Variants in GMDS observed in about 807,000 individuals in gnomAD.
GMDS encodes GDP-mannose 4,6-dehydratase.
GMDS carries 20 observed loss-of-function variants against 49.9 expected under a neutral mutation model. The ratio of observed to expected loss-of-function variants is 0.40; its 90% CI spans 0.28 to 0.58. GMDS has a LOEUF of 0.58. Ranked by LOEUF, GMDS falls within the 20% of genes least tolerant of loss-of-function variation. The pLI is 0.42. For synonymous variants in GMDS, 177 were observed against 178.6 expected (o/e 0.99, Z 0.07); for missense variants, 362 against 481.4 (o/e 0.75, Z 2.32).
At chr6:1,651,954 G>A (rs11970520) in intron 9 of GMDS, among the ~76,000 whole-genome samples, 4,064 of 151,978 alleles carry the variant, frequency 0.027, 165 homozygotes, top group African/African-American at 0.093. Context: ...GCACTGGCAC[G>A]TGCTGGGGAA....
At chr6:2,017,374 T>C (rs1232841791) in intron 4 of GMDS, among the ~76,000 whole-genome samples, 1 of 152,016 alleles carries the variant, frequency 6.6e-6, no homozygotes, top group Non-Finnish European at 1.5e-5. Flanking sequence ...AGTGGCGCTA[T>C]CTCCGCTCAC....
intron 7 of GMDS, among the ~76,000 whole-genome samples, chr6:1,809,898 TTTTATA>T (rs1343955068): frequency 6.6e-6 from 1 of 152,134 alleles, no homozygotes; most frequent in East Asian, 1.9e-4. Context: ...TTGAAATATA[TTTTATA>T]TTTATAGTCT....
At chr6:1,970,079 T>C (rs2628458) in intron 4 of GMDS, among the ~76,000 whole-genome samples, 95,604 of 152,062 alleles carry the variant, frequency 0.63, 30,135 homozygotes, top group East Asian at 0.67. Flanking sequence ...TCTCAATGAA[T>C]GAGCCAAAGT....
At chr6:1,665,669 A>G (rs1424168967) in intron 9 of GMDS, among the ~76,000 whole-genome samples, 1 of 152,136 alleles carries the variant, frequency 6.6e-6, no homozygotes, top group Non-Finnish European at 1.5e-5. Context: ...CCAGGACCAG[A>G]GCAGGAGGCC....
intron 9 of GMDS, among the ~76,000 whole-genome samples, chr6:1,710,148 A>T (rs760683234): frequency 5.9e-5 from 9 of 152,214 alleles, no homozygotes; most frequent in Non-Finnish European, 1.2e-4. Context: ...CTGCTTGTCA[A>T]CACTGCTCCT....
At chr6:1,897,396 G>A (rs1007922718) in intron 7 of GMDS, among the ~76,000 whole-genome samples, 6 of 152,142 alleles carry the variant, frequency 3.9e-5, no homozygotes, top group East Asian at 1.9e-4. Context: ...TTCAACATCT[G>A]AATTTTGGTT....
chr6:2,079,207 A>C (rs1367333148), intron 4 of GMDS, among the ~76,000 whole-genome samples: 1 of 151,574 alleles, frequency 6.6e-6, no homozygotes, highest in Non-Finnish European at 1.5e-5. Flanking sequence ...ATATAGCTGG[A>C]TCTTAATTTT....
chr6:1,941,895 CAAATCTT>C (rs1334525001), intron 6 of GMDS, among the ~76,000 whole-genome samples: 1 of 152,082 alleles, frequency 6.6e-6, no homozygotes, highest in Non-Finnish European at 1.5e-5. Context: ...TCTTCCTGCT[CAAATCTT>C]AAACACACAC....
intron 4 of GMDS, among the ~76,000 whole-genome samples, chr6:1,964,590 C>G (rs1764154203): frequency 6.6e-6 from 1 of 152,122 alleles, no homozygotes; most frequent in African/African-American, 2.4e-5. Flanking sequence ...TGCATAAGCA[C>G]CTTAACCATT....
intron 7 of GMDS, among the ~76,000 whole-genome samples, chr6:1,872,922 C>T (rs1320575754): frequency 1.3e-5 from 2 of 152,248 alleles, no homozygotes; most frequent in Non-Finnish European, 2.9e-5. Flanking sequence ...TAAGCAGCCA[C>T]AGGGCTGCAG....
intron 4 of GMDS, among the ~76,000 whole-genome samples, chr6:2,049,767 C>G (rs1443110777): frequency 6.6e-6 from 1 of 152,158 alleles, no homozygotes; most frequent in Non-Finnish European, 1.5e-5. Context: ...ACAACCTGCT[C>G]CTGAATGACC....
chr6:1,640,374 A>G lies in GMDS; in HGVS notation c.988-15834T>C, dbSNP rs1763293185. 6.6e-6 allele frequency among the ~76,000 whole-genome samples: 1 copy of G among 152,232 alleles called. No homozygotes were observed. The highest frequency in any genetic ancestry group is 2.1e-4 in the South Asian group (1 of 4,818). Reference sequence around the variant, plus strand: ...GAGGTGGCTTGGTGTCCTCATCCTCAGGCATGCCACACCTGCAGGTGTGTT... The same window carrying G: ...GAGGTGGCTTGGTGTCCTCATCCTCGGGCATGCCACACCTGCAGGTGTGTT... On this transcript the variant is annotated intron_variant, in intron 9 of 10. Coordinates refer to ENST00000380815, the MANE Select transcript of GMDS (RefSeq NM_001500.4). The surrounding 1 kb of genome is among the most constrained non-coding windows in gnomAD (Gnocchi z 4.0).
At chr6:1,690,556 A>G (rs1423631997) in intron 9 of GMDS, among the ~76,000 whole-genome samples, 1 of 152,188 alleles carries the variant, frequency 6.6e-6, no homozygotes, top group African/African-American at 2.4e-5. Flanking sequence ...CTGAGTCCCC[A>G]TCAGAGTGAA....
intron 4 of GMDS, among the ~76,000 whole-genome samples, chr6:2,072,456 G>A (rs561643113): frequency 6.6e-6 from 1 of 152,218 alleles, no homozygotes; most frequent in South Asian, 2.1e-4. Context: ...AAAATATGCT[G>A]GAATTTCCAA....
At chr6:2,113,401 G>A (rs749026897) in intron 4 of GMDS, among the ~76,000 whole-genome samples, 47 of 151,470 alleles carry the variant, frequency 3.1e-4, no homozygotes, top group African/African-American at 8.5e-4. Flanking sequence ...ATCTTCCCCC[G>A]TTCAAAACAT....
intron 9 of GMDS, among the ~76,000 whole-genome samples, chr6:1,663,537 G>A (rs979820961): frequency 1.3e-5 from 2 of 152,174 alleles, no homozygotes; most frequent in African/African-American, 4.8e-5. Context: ...TTTTGTGAAT[G>A]CAAGTACACG....
At chr6:2,228,766 T>C (rs1302422859) in intron 1 of GMDS, among the ~76,000 whole-genome samples, 1 of 152,190 alleles carries the variant, frequency 6.6e-6, no homozygotes, top group Non-Finnish European at 1.5e-5. Context: ...AGTACAACTG[T>C]GTAGTGCTGT....
intron 7 of GMDS, among the ~76,000 whole-genome samples, chr6:1,767,826 A>G (rs1237754204): frequency 6.6e-6 from 1 of 152,180 alleles, no homozygotes; most frequent in East Asian, 1.9e-4. Context: ...TCTCCCAAAC[A>G]TGAAAATACA....
intron 7 of GMDS, among the ~76,000 whole-genome samples, chr6:1,893,753 T>G (rs940790312): frequency 3.3e-5 from 5 of 152,286 alleles, no homozygotes; most frequent in African/African-American, 1.2e-4. Flanking sequence ...GAAGGGCCGT[T>G]TATTCAGAGG....
Sources: allele counts gnomAD v4.1 joint callset (sites outside exome capture counted in the v4.1 genomes callset), GRCh38; gene constraint gnomAD v4.1.1; non-coding constraint Gnocchi (gnomAD v3.1); transcripts MANE v1.5; gene names NCBI Gene and HGNC (gene_info 2026-07-23, HGNC 2026-07-21).